The following MCC variants were observed in gnomAD, a reference collection of about 807,000 sequenced individuals.
MCC encodes the protein colorectal mutant cancer protein.
Under a neutral mutation model 116.2 loss-of-function variants are expected in MCC, and 90 were observed. The observed-to-expected ratio is 0.77, with a 90% CI of 0.65 to 0.92. The LOEUF (loss-of-function observed/expected upper bound fraction) is 0.92. MCC is among the 40% of genes least tolerant of loss of function. The pLI is 0.00. For synonymous variants in MCC, 578 were observed against 510.5 expected, an observed-to-expected ratio of 1.13 and a Z score of -1.78; for missense variants, 1,516 against 1,312.2, an observed-to-expected ratio of 1.16 and a Z score of -2.40.
intron 3 of MCC, among the ~76,000 whole-genome samples, chr5:113,196,876 C>T (rs1046297870): frequency 2.6e-5 from 4 of 152,102 alleles, no homozygotes; most frequent in African/African-American, 4.8e-5. Context: ...AACAGAAGCA[C>T]GTCTGCAGGT....
At chr5:113,139,209 C>A (rs1016321734) in intron 5 of MCC, among the ~76,000 whole-genome samples, 23 of 152,256 alleles carry the variant, frequency 1.5e-4, no homozygotes, top group Middle Eastern at 3.4e-3. Context: ...CATTATCTCC[C>A]AGTCAACATC....
At chr5:113,264,983 G>A (rs1430470031) in intron 3 of MCC, among the ~76,000 whole-genome samples, 1 of 152,088 alleles carries the variant, frequency 6.6e-6, no homozygotes, top group African/African-American at 2.4e-5. Context: ...GGAAGTTGCA[G>A]TGAGCCAAGA....
intron 17 of MCC, among the ~76,000 whole-genome samples, chr5:113,042,909 A>G (rs1269431317): frequency 6.6e-6 from 1 of 152,174 alleles, no homozygotes; most frequent in African/African-American, 2.4e-5. Context: ...TGGCTACTAG[A>G]AAATTTACAA....
chr5:113,315,569 T>A (rs1408932097), intron 3 of MCC, among the ~76,000 whole-genome samples: 2 of 151,726 alleles, frequency 1.3e-5, no homozygotes, highest in Non-Finnish European at 2.9e-5. Context: ...TGCTCCTTTT[T>A]AAAAAAAATG....
intron 3 of MCC, among the ~76,000 whole-genome samples, chr5:113,278,228 A>C (rs1331541327): frequency 1.3e-5 from 2 of 152,142 alleles, no homozygotes; most frequent in African/African-American, 4.8e-5. Flanking sequence ...AAGATCCTTA[A>C]CCTGTCTGAG....
chr5:113,236,410 G>A (rs1205121205), intron 3 of MCC, among the ~76,000 whole-genome samples: 1 of 152,156 alleles, frequency 6.6e-6, no homozygotes, highest in Admixed American at 6.5e-5. Flanking sequence ...TGGGCTCTTG[G>A]AACCACACTC....
At chr5:113,403,017 T>A (rs1303721742) in intron 1 of MCC, among the ~76,000 whole-genome samples, 1 of 152,138 alleles carries the variant, frequency 6.6e-6, no homozygotes, top group South Asian at 2.1e-4. Context: ...TTGAACACTT[T>A]TATGCTTTCA....
intron 6 of MCC, among the ~76,000 whole-genome samples, chr5:113,111,955 T>C (rs1757124899): frequency 6.6e-6 from 1 of 152,228 alleles, no homozygotes; most frequent in Non-Finnish European, 1.5e-5. Flanking sequence ...AGTTGGTTCA[T>C]TTTGAATCAG....
intron 3 of MCC, among the ~76,000 whole-genome samples, chr5:113,255,598 T>C (rs1764976429): frequency 6.6e-6 from 1 of 152,222 alleles, no homozygotes; most frequent in East Asian, 1.9e-4. Flanking sequence ...AATATATATC[T>C]CCTTCTTTAC....
intron 8 of MCC, among the ~76,000 whole-genome samples, chr5:113,101,341 C>G (rs1756395881): frequency 6.6e-6 from 1 of 150,692 alleles, no homozygotes; most frequent in Non-Finnish European, 1.5e-5. Context: ...TACAATAAAG[C>G]TAAATAAAAT....
intron 2 of MCC, among the ~76,000 whole-genome samples, chr5:113,354,754 T>C (rs1768367879): frequency 7.6e-6 from 1 of 132,146 alleles, no homozygotes; most frequent in East Asian, 2.0e-4. Context: ...TTAGACTTTT[T>C]ATTGTACTAT....
intron 4 of MCC, among the ~76,000 whole-genome samples, chr5:113,146,344 G>A (rs1392708980): frequency 1.1e-3 from 1 of 888 alleles, no homozygotes; most frequent in Non-Finnish European, 0.014. Context: ...CACTGAAGCT[G>A]TTGCAGCTGC....
At chr5:113,290,943 C>T (rs143616091) in intron 3 of MCC, among the ~76,000 whole-genome samples, 1 of 152,116 alleles carries the variant, frequency 6.6e-6, no homozygotes, top group African/African-American at 2.4e-5. Flanking sequence ...CTAGTTTATC[C>T]GTCTACATTT....
At chr5:113,437,321 GCA>G (rs1770892794) in intron 1 of MCC, 1 of 152,140 alleles carries the variant, frequency 6.6e-6, no homozygotes, top group South Asian at 2.1e-4. Flanking sequence ...GCTGCCCTCA[GCA>G]CAGAGCTTTA....
At chr5:113,291,717 T>C (rs1345038102) in intron 3 of MCC, among the ~76,000 whole-genome samples, 1 of 152,118 alleles carries the variant, frequency 6.6e-6, no homozygotes, top group Non-Finnish European at 1.5e-5. Context: ...CCATCAAAAG[T>C]GAATGGCAAC....
intron 18 of MCC, among the ~76,000 whole-genome samples, chr5:113,028,320 T>C (rs1343841047): frequency 6.6e-6 from 1 of 152,244 alleles, no homozygotes; most frequent in East Asian, 1.9e-4. Context: ...TTTGCAGAAT[T>C]GTAAGACCAG....
chr5:113,119,951 A>T (rs920046000), intron 6 of MCC, among the ~76,000 whole-genome samples: 2 of 152,232 alleles, frequency 1.3e-5, no homozygotes, highest in Admixed American at 1.3e-4. Context: ...TCAAGTCAGG[A>T]GGTCCAAGAA....
intron 1 of MCC, among the ~76,000 whole-genome samples, chr5:113,432,272 G>A (rs537032712): frequency 6.1e-5 from 8 of 131,846 alleles, no homozygotes; most frequent in Middle Eastern, 5.8e-3. Flanking sequence ...GCAGTGAGCC[G>A]AGATCACACC....
At chr5:113,456,406 C>A (rs576867300) in intron 1 of MCC, among the ~76,000 whole-genome samples, 1 of 152,204 alleles carries the variant, frequency 6.6e-6, no homozygotes, top group South Asian at 2.1e-4. Flanking sequence ...ATTACATATA[C>A]CAGTTGAGCA....
Sources: gnomAD v4.1 joint callset for allele counts (sites outside exome capture counted in the v4.1 genomes callset) on GRCh38, gnomAD v4.1.1 for gene constraint, MANE v1.5 for transcripts, NCBI Gene and HGNC (gene_info 2026-07-23, HGNC 2026-07-21) for gene names.